Variants in UNC5A observed in about 807,000 individuals in gnomAD.
UNC5A encodes netrin receptor UNC5A.
UNC5A carries 20 observed loss-of-function variants against 87.4 expected under a neutral mutation model. That is an observed-to-expected ratio of 0.23 (90% CI 0.16 to 0.33). The LOEUF is 0.33. UNC5A is among the 10% of genes least tolerant of loss of function. The pLI, the probability that UNC5A is intolerant of heterozygous loss-of-function variation, is 1.00. For missense variants in UNC5A, 844 were observed against 1,133.4 expected, an observed-to-expected ratio of 0.74 and a Z score of 3.67; for synonymous variants, 438 against 482.3, an observed-to-expected ratio of 0.91 and a Z score of 1.20.
intron 1 of UNC5A, among the ~76,000 whole-genome samples, chr5:176,851,511 A>G (rs887567013): frequency 6.6e-6 from 1 of 152,232 alleles, no homozygotes; most frequent in African/African-American, 2.4e-5. Flanking sequence ...TAATTAAATT[A>G]ATTGCCAGCA....
intron 1 of UNC5A, among the ~76,000 whole-genome samples, chr5:176,840,939 G>C (rs1472277457): frequency 6.6e-6 from 1 of 152,228 alleles, no homozygotes; most frequent in Non-Finnish European, 1.5e-5. Flanking sequence ...GGCCTGGATG[G>C]AGCTTCCATT....
chr5:176,851,852 G>A (rs565110853), intron 1 of UNC5A, among the ~76,000 whole-genome samples: 1 of 152,334 alleles, frequency 6.6e-6, no homozygotes, highest in South Asian at 2.1e-4. Flanking sequence ...GCCTGGGGAA[G>A]AACCCGGATG....
At chr5:176,858,722 A>AGAAGGAAG (rs397968461) in intron 1 of UNC5A, among the ~76,000 whole-genome samples, 1,305 of 49,832 alleles carry the variant, frequency 0.026, 72 homozygotes, top group East Asian at 0.16. Context: ...AGAGAGAGAG[A>AGAAGGAAG]GAAGGAAGGA....
chr5:176,847,417 G>A (rs1283787758), intron 1 of UNC5A, among the ~76,000 whole-genome samples: 1 of 152,042 alleles, frequency 6.6e-6, no homozygotes, highest in African/African-American at 2.4e-5. Context: ...CTGCCGAGGC[G>A]GGGGGGCCCT....
Position 176,879,381 on chromosome 5 carries a change from C to A in UNC5A, c.2256C>A (p.Ala752=). The change falls in exon 14 of 15, where the codon GCC becomes GCA. Residue 752 remains alanine, a synonymous_variant. Coordinates refer to ENST00000329542, the MANE Select transcript of UNC5A (RefSeq NM_133369.3). The part of the protein sequence containing the change: ...AGVPALVGPS[A]FKIPFLIRQK... ...TCCCAGCCCTGGTGGGCCCCAGTGC[C>A]TTCAAGATCCCCTTCCTCATTCGGC... 2 of 1,613,098 alleles carry A rather than the reference C, an allele frequency of 1.2e-6. No homozygotes were observed. Among genetic ancestry groups the A allele is most frequent in the Non-Finnish European group, 1.7e-6 (2 of 1,179,898 alleles).
rs1018497424 is a variant in UNC5A, at chr5:176,869,932, G to T, written c.722-438G>T. Among the ~76,000 whole-genome samples, 1 of 152,146 alleles carries T rather than the reference G, an allele frequency of 6.6e-6. No homozygotes were observed. The highest frequency in any genetic ancestry group is 1.5e-5 in the Non-Finnish European group (1 of 68,018). ...CAGTCTGAGGCGGGGATCGGGGTGC[G>T]GTGTATGGTTGGAGTCAGGGCTCGA... On this transcript the variant is annotated intron_variant, in intron 5 of 14. Coordinates refer to ENST00000329542, the MANE Select transcript of UNC5A (RefSeq NM_133369.3). The surrounding 1 kb of genome is among the most constrained non-coding windows in gnomAD (Gnocchi z 9.1).
In UNC5A at chr5:176,877,595, C is replaced by T. The variant is rs373702466; in HGVS notation, c.1527C>T (p.Gly509=). 2.5e-6 allele frequency: 4 copies of T among 1,612,242 alleles called. No homozygotes were observed. Among genetic ancestry groups the T allele is most frequent in the African/African-American group, 1.3e-5 (1 of 75,044 alleles). The change falls in exon 10 of 15, where the codon GGC becomes GGT. Residue 509 remains glycine, a synonymous_variant. Coordinates refer to ENST00000329542, the MANE Select transcript of UNC5A (RefSeq NM_133369.3). ...LSPIVSCGPP[G]VLLTRPVILA... is the part of the protein sequence containing the mutation. Reference sequence around the variant, plus strand: ...CCATCGTTAGCTGTGGACCCCCTGGCGTCCTGCTCACCCGGCCAGTCATCC... The same window carrying T: ...CCATCGTTAGCTGTGGACCCCCTGGTGTCCTGCTCACCCGGCCAGTCATCC...
At position 176,848,634 on chromosome 5, in the gene UNC5A, G is replaced by A. The variant is rs997185337; in HGVS notation, c.71-13990G>A. Among the ~76,000 whole-genome samples the A allele has an allele frequency of 7.9e-5, 12 of 152,132 alleles. No homozygotes were observed. Among genetic ancestry groups the A allele is most frequent in the Non-Finnish European group, 1.6e-4 (11 of 68,018 alleles). On this transcript the variant is annotated intron_variant, in intron 1 of 14. Coordinates refer to ENST00000329542, the MANE Select transcript of UNC5A (RefSeq NM_133369.3). This position sits in a 1 kb window ranked among gnomAD's most constrained non-coding sequence, Gnocchi z 5.8. Reference sequence around the variant, plus strand: ...AGATGGAAGGTGGCAGCAGGGCCCAGGCTCCTTCCCGCCCAAATTTGGAAT... The same window carrying A: ...AGATGGAAGGTGGCAGCAGGGCCCAAGCTCCTTCCCGCCCAAATTTGGAAT...
At chr5:176,813,064 C>T (rs1488567515) in intron 1 of UNC5A, among the ~76,000 whole-genome samples, 1 of 152,226 alleles carries the variant, frequency 6.6e-6, no homozygotes, top group Non-Finnish European at 1.5e-5. Flanking sequence ...ACGCGCCCAC[C>T]CTCTGTTGCT....
Position 176,824,011 on chromosome 5 carries a change from A to G in UNC5A, c.70+13191A>G, listed in dbSNP as rs559200297. On this transcript the variant is annotated intron_variant, in intron 1 of 14. Coordinates refer to ENST00000329542, the MANE Select transcript of UNC5A (RefSeq NM_133369.3). This position sits in a 1 kb window ranked among gnomAD's most constrained non-coding sequence, Gnocchi z 4.2. ...GAGAACCCAGCCTCTCCCTGGAGAA[A>G]GCACCTGTCCCAGCTGGCGAATGGT... 2.0e-5 allele frequency among the ~76,000 whole-genome samples: 3 copies of G among 152,198 alleles called. No homozygotes were observed. Among genetic ancestry groups the G allele is most frequent in the Non-Finnish European group, 4.4e-5 (3 of 68,030 alleles).
chr5:176,865,102 G>C lies in UNC5A; in HGVS notation c.292+2257G>C. 3.0e-6 allele frequency: 1 copy of C among 330,014 alleles called. No individual in the cohort carries two copies. The highest frequency in any genetic ancestry group is 6.0e-6 in the Non-Finnish European group (1 of 166,756). The allele number at this position is 330,014 out of a possible 1,614,324, so 20.4% of individuals were successfully genotyped here. Reference sequence around the variant, plus strand: ...GAAGCCATGAAATCTCACGTGCCCAGTCAGGACCCAGCACGGGGCCTTTCC... The same window carrying C: ...GAAGCCATGAAATCTCACGTGCCCACTCAGGACCCAGCACGGGGCCTTTCC... On this transcript the variant is annotated intron_variant, in intron 2 of 14. Coordinates refer to ENST00000329542, the MANE Select transcript of UNC5A (RefSeq NM_133369.3). This position sits in a 1 kb window ranked among gnomAD's most constrained non-coding sequence, Gnocchi z 5.3.
chr5:176,880,126 TGCCTGGA>T lies in UNC5A; in HGVS notation c.*247_*253del. 1.9e-6 allele frequency: 1 copy of T among 537,010 alleles called. No individual in the cohort carries two copies. Among genetic ancestry groups the T allele is most frequent in the Non-Finnish European group, 3.3e-6 (1 of 302,794 alleles). 33.3% of individuals were successfully genotyped at this position (537,010 alleles called of 1,614,324 possible). A position where few individuals can be genotyped will look rare whatever the true frequency, so the allele number is the denominator to read the frequency against. ...CGGCCCCAGGGCCCAGGAGGGACAG[TGCCTGGA>T]GCCTGGGCCAGGCCCAGCCCATCTG... On this transcript the variant is annotated 3_prime_UTR_variant, in exon 15 of 15. Transcript: ENST00000329542.
chr5:176,824,993 G>A lies in UNC5A; in HGVS notation c.70+14173G>A, dbSNP rs1756818852. ...TGTCAGGTACTGAGGCCATGGGCAG[G>A]GCCATCCCTCTCCTTCCCTCCCTCC... On this transcript the variant is annotated intron_variant, in intron 1 of 14. Coordinates refer to ENST00000329542, the MANE Select transcript of UNC5A (RefSeq NM_133369.3). The surrounding 1 kb of genome is among the most constrained non-coding windows in gnomAD (Gnocchi z 4.2). Among the ~76,000 whole-genome samples, 1 of 152,202 alleles carries A rather than the reference G, an allele frequency of 6.6e-6. No individual in the cohort carries two copies. Among genetic ancestry groups the A allele is most frequent in the Admixed American group, 6.5e-5 (1 of 15,284 alleles).
chr5:176,826,566 A>G (rs1450515549), intron 1 of UNC5A, among the ~76,000 whole-genome samples: 20 of 151,860 alleles, frequency 1.3e-4, no homozygotes, highest in East Asian at 1.9e-4. Flanking sequence ...AACCGTTTTA[A>G]GTGCACAATT....
intron 1 of UNC5A, among the ~76,000 whole-genome samples, chr5:176,843,725 C>G (rs542013415): frequency 6.6e-6 from 1 of 152,358 alleles, no homozygotes; most frequent in Admixed American, 6.5e-5. Context: ...CATCCCTGAC[C>G]CACCGGGCTG....
chr5:176,858,705 GAA>G, intron 1 of UNC5A, among the ~76,000 whole-genome samples: 2 of 14,798 alleles, frequency 1.4e-4, no homozygotes, highest in African/African-American at 1.9e-4. Context: ...GAAAGCGAAA[GAA>G]AGAAAGAGAG....
intron 1 of UNC5A, among the ~76,000 whole-genome samples, chr5:176,852,515 C>G (rs539947393): frequency 7.2e-5 from 11 of 152,336 alleles, no homozygotes; most frequent in Admixed American, 3.3e-4. Context: ...TTAATTGCAG[C>G]TTATTAAGTT....
In UNC5A at chr5:176,827,471, C is replaced by A. The variant is rs190771203; in HGVS notation, c.70+16651C>A. Among the ~76,000 whole-genome samples, 5 of 152,320 alleles carry A rather than the reference C, an allele frequency of 3.3e-5. No homozygotes were observed. The East Asian group carries it at 9.6e-4, about 29-fold the overall frequency. ...GTGCTGGGATTACAGGTGTGAGCCA[C>A]CATGCCCAGCCTTCATTCCTTTTTG... On this transcript the variant is annotated intron_variant, in intron 1 of 14. Coordinates refer to ENST00000329542, the MANE Select transcript of UNC5A (RefSeq NM_133369.3).
At chr5:176,823,928 A>G (rs1581244703) in intron 1 of UNC5A, among the ~76,000 whole-genome samples, 3 of 151,810 alleles carry the variant, frequency 2.0e-5, no homozygotes, top group Admixed American at 6.6e-5. Flanking sequence ...AGGGCACAGC[A>G]CCTCCACCCT....
Sources: allele counts gnomAD v4.1 joint callset (sites outside exome capture counted in the v4.1 genomes callset), GRCh38; gene constraint gnomAD v4.1.1; non-coding constraint Gnocchi (gnomAD v3.1); transcripts MANE v1.5; gene names NCBI Gene and HGNC (gene_info 2026-07-23, HGNC 2026-07-21).